Variants in MAPK10 observed in about 807,000 individuals in gnomAD.
The protein encoded by MAPK10 is mitogen-activated protein kinase 10, also known as JNK3 alpha protein kinase.
A neutral mutation model predicts 59.3 loss-of-function variants in MAPK10; 25 were observed. The observed-to-expected ratio is 0.42, with a 90% CI of 0.31 to 0.59. The LOEUF is 0.59. Among genes scored for constraint, MAPK10 ranks in the 20% least tolerant of loss-of-function variants. The probability of loss-of-function intolerance (pLI) is 0.15; values close to 1 mark genes in which losing one functional copy is unlikely to be tolerated. For synonymous variants in MAPK10, 190 were observed against 200.5 expected, an observed-to-expected ratio of 0.95 and a Z score of 0.44; for missense variants, 351 against 568.9, an observed-to-expected ratio of 0.62 and a Z score of 3.90.
At chr4:86,145,663 C>G (rs1403887413) in intron 4 of MAPK10, among the ~76,000 whole-genome samples, 1 of 152,038 alleles carries the variant, frequency 6.6e-6, no homozygotes, top group African/African-American at 2.4e-5. Flanking sequence ...TGTGTTCTCT[C>G]TTCCTCTTCC....
chr4:86,118,155 A>T (rs1179527234), intron 4 of MAPK10, among the ~76,000 whole-genome samples: 1 of 152,164 alleles, frequency 6.6e-6, no homozygotes, highest in East Asian at 1.9e-4. Flanking sequence ...ATTTTCTGTA[A>T]TTCCTCAGTG....
intron 4 of MAPK10, among the ~76,000 whole-genome samples, chr4:86,108,022 G>A (rs978857534): frequency 6.6e-6 from 1 of 152,066 alleles, no homozygotes. Context: ...AAGATGTGAT[G>A]TTAATTGCCA....
intron 4 of MAPK10, among the ~76,000 whole-genome samples, chr4:86,133,856 A>C (rs956364432): frequency 6.6e-6 from 1 of 152,226 alleles, no homozygotes; most frequent in Non-Finnish European, 1.5e-5. Context: ...TTTGCTTAAA[A>C]GCATTGGTAG....
At chr4:86,022,162 C>G (rs893890873) in intron 13 of MAPK10, among the ~76,000 whole-genome samples, 2 of 152,242 alleles carry the variant, frequency 1.3e-5, no homozygotes, top group East Asian at 1.9e-4. Context: ...CCAGCACGCT[C>G]TCACCTCTCA....
At chr4:86,497,361 C>T (rs1033181779) in intron 1 of MAPK10, among the ~76,000 whole-genome samples, 14 of 152,170 alleles carry the variant, frequency 9.2e-5, no homozygotes, top group Admixed American at 4.6e-4. Flanking sequence ...ACTGAATGGC[C>T]AGTCTCAGTG....
intron 2 of MAPK10, among the ~76,000 whole-genome samples, chr4:86,348,707 T>A (rs1321863699): frequency 6.6e-6 from 1 of 152,164 alleles, no homozygotes; most frequent in Admixed American, 6.5e-5. Flanking sequence ...TACTATCTAC[T>A]CTTTGGTCTC....
At chr4:86,475,747 C>T (rs1012154178) in intron 1 of MAPK10, among the ~76,000 whole-genome samples, 1 of 152,012 alleles carries the variant, frequency 6.6e-6, no homozygotes, top group Non-Finnish European at 1.5e-5. Context: ...GCAAGTACCG[C>T]TTTTCTAGGG....
intron 2 of MAPK10, among the ~76,000 whole-genome samples, chr4:86,218,862 C>CA (rs1464823470): frequency 3.3e-5 from 5 of 152,152 alleles, no homozygotes; most frequent in African/African-American, 9.6e-5. Flanking sequence ...GGGAAGAGGG[C>CA]AAGAGGGAAA....
chr4:86,498,741 C>G (rs1221696021), intron 1 of MAPK10, among the ~76,000 whole-genome samples: 1 of 152,160 alleles, frequency 6.6e-6, no homozygotes, highest in African/African-American at 2.4e-5. Context: ...GCTGCCTAAG[C>G]GTATTTAAGC....
chr4:86,267,251 C>T (rs2094280980), intron 2 of MAPK10, among the ~76,000 whole-genome samples: 2 of 152,178 alleles, frequency 1.3e-5, no homozygotes, highest in Admixed American at 6.5e-5. Flanking sequence ...TGCCTTCCTT[C>T]AGGTTTGTAA....
At chr4:86,295,640 AAAAG>A (rs1193246066) in intron 2 of MAPK10, among the ~76,000 whole-genome samples, 1 of 151,418 alleles carries the variant, frequency 6.6e-6, no homozygotes, top group African/African-American at 2.4e-5. Context: ...ACTATGATAC[AAAAG>A]AAATAAAAAC....
chr4:86,424,466 C>T (rs1747006569), intron 1 of MAPK10, among the ~76,000 whole-genome samples: 1 of 152,060 alleles, frequency 6.6e-6, no homozygotes. Flanking sequence ...TGGGAGATTA[C>T]GGACATGAGC....
At chr4:86,231,490 C>A (rs947869513) in intron 2 of MAPK10, among the ~76,000 whole-genome samples, 3 of 151,296 alleles carry the variant, frequency 2.0e-5, no homozygotes, top group Non-Finnish European at 4.4e-5. Context: ...CCCGTCCCTA[C>A]TAAAGAAAAA....
At chr4:86,174,355 A>C (rs1206057402) in intron 3 of MAPK10, among the ~76,000 whole-genome samples, 1 of 152,186 alleles carries the variant, frequency 6.6e-6, no homozygotes, top group Admixed American at 6.6e-5. Context: ...CATCCTCAGC[A>C]AACTAACATA....
chr4:86,380,811 G>A (rs1740576269), intron 1 of MAPK10, among the ~76,000 whole-genome samples: 2 of 147,484 alleles, frequency 1.4e-5, no homozygotes, highest in African/African-American at 2.5e-5. Context: ...TTGTGGTTCT[G>A]TCATTCCCAG....
intron 10 of MAPK10, among the ~76,000 whole-genome samples, chr4:86,066,076 A>AT (rs1561213881): frequency 6.6e-6 from 1 of 152,150 alleles, no homozygotes; most frequent in Non-Finnish European, 1.5e-5. Flanking sequence ...GTAGCAATTA[A>AT]TTTTTTACCT....
chr4:86,295,416 C>A (rs1389701351), intron 2 of MAPK10, among the ~76,000 whole-genome samples: 2 of 152,076 alleles, frequency 1.3e-5, no homozygotes, highest in African/African-American at 2.4e-5. Flanking sequence ...AGAATTTTAT[C>A]ACCATCTAAC....
intron 1 of MAPK10, among the ~76,000 whole-genome samples, chr4:86,520,812 T>C (rs968354946): frequency 2.0e-5 from 3 of 152,188 alleles, no homozygotes; most frequent in African/African-American, 7.2e-5. Flanking sequence ...GATCCCTTGA[T>C]GTGGTGCTCT....
At chr4:86,363,249 A>C (rs1737287775), upstream of MAPK10, among the ~76,000 whole-genome samples, 1 of 152,220 alleles carries the variant, frequency 6.6e-6, no homozygotes, top group Admixed American at 6.5e-5. Flanking sequence ...TATTATAAAT[A>C]ATTTATAGAT....
Sources: gnomAD v4.1 joint callset for allele counts (sites outside exome capture counted in the v4.1 genomes callset) on GRCh38, gnomAD v4.1.1 for gene constraint, MANE v1.5 for transcripts, NCBI Gene and HGNC (gene_info 2026-07-23, HGNC 2026-07-21) for gene names.